The following CETP variants were observed in gnomAD, a reference collection of about 807,000 sequenced individuals.
The protein encoded by CETP is BPI fold containing family F.
A neutral mutation model predicts 66.5 loss-of-function variants in CETP; 56 were observed. The ratio of observed to expected loss-of-function variants is 0.84; its 90% confidence interval spans 0.68 to 1.05. The LOEUF is 1.05. CETP is among the 50% of genes least tolerant of loss of function. The pLI, the probability that CETP is intolerant of heterozygous loss-of-function variation, is 0.00. For missense variants in CETP, 612 were observed against 609.6 expected, an observed-to-expected ratio of 1.00 and a Z score of -0.04; for synonymous variants, 251 against 245.7, an observed-to-expected ratio of 1.02 and a Z score of -0.20.
At chr16:56,969,251 A>G in intron 2 of CETP, 135 bp from the exon 3 acceptor site, 5 of 1,102,938 alleles carry the variant, frequency 4.5e-6, no homozygotes, top group Non-Finnish European at 6.9e-6. Flanking sequence ...ACATATTTGC[A>G]GGTTCTGTGG....
chr16:56,978,717 C>A (rs775952626), intron 11 of CETP, among the ~76,000 whole-genome samples: 1 of 152,178 alleles, frequency 6.6e-6, no homozygotes. Context: ...AACTCCTGGC[C>A]TCAAGCAATT....
chr16:56,962,132 G>A (rs995506552), intron 1 of CETP, 35 bp downstream of exon 1: 1 of 1,552,546 alleles, frequency 6.4e-7, no homozygotes, highest in South Asian at 1.1e-5. Context: ...CCTGCCAGGG[G>A]TCTTTTCATG....
chr16:56,979,755 C>T (rs2056175102), intron 11 of CETP, among the ~76,000 whole-genome samples: 1 of 152,208 alleles, frequency 6.6e-6, no homozygotes, highest in Non-Finnish European at 1.5e-5. Flanking sequence ...GATCCACCTG[C>T]CTCAGCCTCC....
chr16:56,975,129 C>T lies in CETP; in HGVS notation c.959C>T (p.Thr320Ile), dbSNP rs1488771740. ...GTGCTGGAGACCTGGGGCTTCAACA[C>T]CAACCAGGAAATCTTCCAAGAGGTA... Reference protein sequence around the residue: ...KAVLETWGFNTNQEIFQEVVG... With the variant: ...KAVLETWGFNINQEIFQEVVG... The change falls in exon 10 of 16, where the codon ACC (threonine) becomes ATC (isoleucine). Residue 320 changes from threonine to isoleucine, a missense_variant. Transcript: ENST00000200676. The T allele has an allele frequency of 6.2e-7, 1 of 1,613,982 alleles. No individual in the cohort carries two copies. Among genetic ancestry groups the T allele is most frequent in the Non-Finnish European group, 8.5e-7 (1 of 1,179,822 alleles).
At chr16:56,977,581 G>C (rs571753185) in intron 10 of CETP, among the ~76,000 whole-genome samples, 2 of 152,112 alleles carry the variant, frequency 1.3e-5, no homozygotes, top group Admixed American at 1.3e-4. Flanking sequence ...GCAGTTTTAC[G>C]TTCTGTTCTG....
chr16:56,971,158 C>A (rs1164691984), intron 6 of CETP, 56 bp downstream of exon 6: 6 of 1,567,194 alleles, frequency 3.8e-6, no homozygotes, highest in Middle Eastern at 1.7e-4. Flanking sequence ...GAGGCTGGAT[C>A]CCTTTCCTCC....
chr16:56,983,771 G>C lies in CETP; in HGVS notation c.*105G>C. On this transcript the variant is annotated 3_prime_UTR_variant, in exon 16 of 16. Coordinates refer to ENST00000200676, the MANE Select transcript of CETP (RefSeq NM_000078.3). ...CAGCGTGGTGGAAGTTGGGTTAGGA[G>C]TACGGAGATGGAGATTGGCTCCCAA... 9.3e-7 allele frequency: 1 copy of C among 1,074,466 alleles called. No individual in the cohort carries two copies. The highest frequency in any genetic ancestry group is 1.3e-5 in the South Asian group (1 of 79,530). 66.6% of individuals were successfully genotyped at this position (1,074,466 alleles called of 1,614,324 possible).
intron 12 of CETP, 34 bp from the exon 13 acceptor site, chr16:56,981,612 TG>T (rs2056188607): frequency 1.9e-6 from 3 of 1,612,550 alleles, no homozygotes; most frequent in Admixed American, 1.7e-5. Flanking sequence ...GGGGGCCCAA[TG>T]GAGGGTCAAA....
Position 56,969,955 on chromosome 16 carries a change from T to C in CETP, c.481T>C (p.Tyr161His), listed in dbSNP as rs773174024. 1 of 1,614,170 alleles carries C rather than the reference T, an allele frequency of 6.2e-7. No homozygotes were observed. The highest frequency in any genetic ancestry group is 8.5e-7 in the Non-Finnish European group (1 of 1,180,018). ...AGTGCGGACCGATGCCCCTGACTGC[T>C]ACCTGTCTTTCCATAAGCTGCTCCT... ...GRVRTDAPDC[Y>H]LSFHKLLLHL... The change falls in exon 5 of 16, where the codon TAC becomes CAC. Residue 161 changes from tyrosine to histidine, a missense_variant. Transcript: ENST00000200676.
At position 56,973,374 on chromosome 16, in the gene CETP, C is replaced by T. The variant is rs139594305; in HGVS notation, c.794C>T (p.Pro265Leu). 7.4e-6 allele frequency: 12 copies of T among 1,614,092 alleles called. No individual in the cohort carries two copies. Among genetic ancestry groups the T allele is most frequent in the African/African-American group, 2.7e-5 (2 of 74,922 alleles). Residue 265 changes from proline to leucine, a missense_variant, in exon 9 of 16, where the codon CCC (proline) becomes CTC (leucine). Physicochemically the swap from Pro to Leu is moderately conservative, Grantham distance 98. Transcript: ENST00000200676. ...AATGTCTCAGAGGACCTCCCCCTCCCCACCTTCTCGCCCACACTGCTGGGG... is the reference window on the plus strand; with the variant it reads ...AATGTCTCAGAGGACCTCCCCCTCCTCACCTTCTCGCCCACACTGCTGGGG... ...YKNVSEDLPL[P>L]TFSPTLLGDS...
intron 8 of CETP, among the ~76,000 whole-genome samples, chr16:56,972,648 C>A (rs1376550043): frequency 3.9e-5 from 6 of 152,204 alleles, no homozygotes; most frequent in Non-Finnish European, 7.3e-5. Context: ...ACCACCACAC[C>A]CACTCTGCTC....
At chr16:56,982,555 C>T (rs1346244112) in intron 14 of CETP, among the ~76,000 whole-genome samples, 1 of 152,192 alleles carries the variant, frequency 6.6e-6, no homozygotes, top group Non-Finnish European at 1.5e-5. Flanking sequence ...GAGTCTGAGA[C>T]CTAGTTCTAG....
At chr16:56,979,289 T>C (rs2056171487) in intron 11 of CETP, among the ~76,000 whole-genome samples, 2 of 152,252 alleles carry the variant, frequency 1.3e-5, no homozygotes, top group South Asian at 2.1e-4. Flanking sequence ...AACACCCCAA[T>C]AGGGTGTGGG....
intron 8 of CETP, 149 bp from the exon 9 acceptor site, chr16:56,973,182 C>T (rs1445485822): frequency 1.3e-6 from 1 of 791,110 alleles, no homozygotes; most frequent in Non-Finnish European, 2.1e-6. Flanking sequence ...GAGTGAAAGC[C>T]CCGCTGGGGG....
In CETP at chr16:56,968,567, C is replaced by A. The variant is rs147420878; in HGVS notation, c.234-819C>A. Among the ~76,000 whole-genome samples, 1,004 of 152,300 alleles carry A rather than the reference C, an allele frequency of 6.6e-3. 7 individuals are homozygous for A. The highest frequency in any genetic ancestry group is 0.011 in the Non-Finnish European group (745 of 68,022). Reference sequence around the variant, plus strand: ...ATCAATTTTCACCCTTCTTCATATACCATTTACATTTCTAAGAATTTGTCC... The same window carrying A: ...ATCAATTTTCACCCTTCTTCATATAACATTTACATTTCTAAGAATTTGTCC... On this transcript the variant is annotated intron_variant, in intron 2 of 15. Coordinates refer to ENST00000200676, the MANE Select transcript of CETP (RefSeq NM_000078.3).
chr16:56,973,447 G>T lies in CETP; in HGVS notation c.867G>T (p.Ser289=), dbSNP rs375666118. Residue 289 remains serine, a synonymous_variant, in exon 9 of 16, where the codon TCG becomes TCT. Coordinates refer to ENST00000200676, the MANE Select transcript of CETP (RefSeq NM_000078.3). Reference sequence around the variant, plus strand: ...GGTTCTCTGAGCGAGTCTTCCACTCGCTGGCCAAGGTAGCTTTCCAGGATG... The same window carrying T: ...GGTTCTCTGAGCGAGTCTTCCACTCTCTGGCCAAGGTAGCTTTCCAGGATG... The part of the protein sequence containing the change: ...YFWFSERVFH[S]LAKVAFQDGR... 1.9e-6 allele frequency: 3 copies of T among 1,614,042 alleles called. No homozygotes were observed. The highest frequency in any genetic ancestry group is 2.5e-6 in the Non-Finnish European group (3 of 1,180,040).
chr16:56,966,891 A>G (rs895375112), intron 2 of CETP, among the ~76,000 whole-genome samples: 2 of 151,130 alleles, frequency 1.3e-5, no homozygotes, highest in Non-Finnish European at 2.9e-5. Context: ...CTGGGATTAT[A>G]GGCGTGAGCC....
chr16:56,970,711 G>T (rs1363457508), intron 5 of CETP, among the ~76,000 whole-genome samples: 1 of 152,196 alleles, frequency 6.6e-6, no homozygotes, highest in Admixed American at 6.5e-5. Context: ...GTCTGGAGAG[G>T]AGCCCTCTAT....
chr16:56,963,087 A>G lies in CETP; in HGVS notation c.196A>G (p.Met66Val), dbSNP rs762836445. Residue 66 changes from methionine (M) to valine (V), a missense_variant, in exon 2 of 16, where the codon ATG (methionine) becomes GTG (valine). By Grantham distance (21) the Met-to-Val change is conservative. Coordinates refer to ENST00000200676, the MANE Select transcript of CETP (RefSeq NM_000078.3). ...SYPDITGEKA[M>V]MLLGQVKYGL... is the part of the protein sequence containing the mutation. The stretch of plus-strand genomic sequence containing the variant: ...CCCAGATATCACGGGCGAGAAGGCC[A>G]TGATGCTCCTTGGCCAAGTCAAGTA... 3 of 1,614,006 alleles carry G rather than the reference A, an allele frequency of 1.9e-6. No individual in the cohort carries two copies. Among genetic ancestry groups the G allele is most frequent in the Admixed American group, 3.3e-5 (2 of 60,022 alleles).
Sources: allele counts gnomAD v4.1 joint callset (sites outside exome capture counted in the v4.1 genomes callset), GRCh38; gene constraint gnomAD v4.1.1; transcripts MANE v1.5; gene names NCBI Gene and HGNC (gene_info 2026-07-23, HGNC 2026-07-21).